AK8: variants seen among roughly 807,000 people sequenced by gnomAD.
The protein encoded by AK8 is adenylate kinase 8.
A neutral mutation model predicts 54.6 loss-of-function variants in AK8; 44 were observed. The ratio of observed to expected loss-of-function variants is 0.81; its 90% CI spans 0.63 to 1.04. The LOEUF (loss-of-function observed/expected upper bound fraction) is 1.04, where lower values mean the gene tolerates loss of function less well. Ranked by LOEUF, AK8 falls within the 50% of genes least tolerant of loss-of-function variation. The probability of loss-of-function intolerance (pLI) is 0.00; values close to 1 mark genes in which losing one functional copy is unlikely to be tolerated. For missense variants in AK8, 555 were observed against 613.6 expected, an observed-to-expected ratio of 0.90 and a Z score of 1.01; for synonymous variants, 239 against 245.6, an observed-to-expected ratio of 0.97 and a Z score of 0.25.
At chr9:132,846,697 T>C (rs866462392) in intron 5 of AK8, among the ~76,000 whole-genome samples, 3 of 150,902 alleles carry the variant, frequency 2.0e-5, no homozygotes, top group African/African-American at 4.9e-5. Flanking sequence ...CGACAGGGAG[T>C]AGATAGGCTT....
chr9:132,792,996 C>A (rs751967713), intron 10 of AK8, among the ~76,000 whole-genome samples: 5 of 152,206 alleles, frequency 3.3e-5, no homozygotes, highest in Non-Finnish European at 4.4e-5. Flanking sequence ...CTGACCTTGA[C>A]CTCGGTCTTT....
chr9:132,827,353 T>C (rs2131304351), intron 7 of AK8: 1 of 462,064 alleles, frequency 2.2e-6, no homozygotes, highest in Non-Finnish European at 3.9e-6. Context: ...CCATTTCATC[T>C]TCACAGCCAT....
intron 11 of AK8, among the ~76,000 whole-genome samples, chr9:132,736,063 A>T (rs1837090109): frequency 6.6e-6 from 1 of 152,236 alleles, no homozygotes. Flanking sequence ...CTAAACATAG[A>T]AAAGGCACAG....
At chr9:132,876,302 T>C (rs568227297) in intron 1 of AK8, among the ~76,000 whole-genome samples, 122 of 152,328 alleles carry the variant, frequency 8.0e-4, no homozygotes, top group African/African-American at 2.8e-3. Flanking sequence ...CACATAAATA[T>C]TTTACATTTC....
intron 5 of AK8, among the ~76,000 whole-genome samples, chr9:132,831,923 G>A (rs187369879): frequency 4.6e-4 from 70 of 151,698 alleles, no homozygotes; most frequent in African/African-American, 1.5e-3. Flanking sequence ...TTAGCCAGGC[G>A]CGTTGGTGCA....
intron 11 of AK8, among the ~76,000 whole-genome samples, chr9:132,739,441 CAAAAAAAAAAAAAAAAA>C (rs768297504): frequency 2.2e-3 from 69 of 31,166 alleles, no homozygotes; most frequent in Non-Finnish European, 1.5e-3. Flanking sequence ...GACTCTGTCT[CAAAAAAAAAAAAAAAAA>C]AAAAAAAAAA....
intron 12 of AK8, among the ~76,000 whole-genome samples, chr9:132,727,125 C>T (rs1465039808): frequency 6.6e-6 from 1 of 152,096 alleles, no homozygotes; most frequent in Non-Finnish European, 1.5e-5. Context: ...TGCATCGTGG[C>T]TCAAGGAAAG....
chr9:132,856,871 A>C (rs1488598135), intron 4 of AK8, among the ~76,000 whole-genome samples: 1 of 152,146 alleles, frequency 6.6e-6, no homozygotes, highest in Non-Finnish European at 1.5e-5. Flanking sequence ...GGGAAGAAAA[A>C]GGGGAGATAG....
At chr9:132,861,796 A>C (rs1428574714) in intron 4 of AK8, among the ~76,000 whole-genome samples, 3 of 152,238 alleles carry the variant, frequency 2.0e-5, no homozygotes, top group Non-Finnish European at 4.4e-5. Flanking sequence ...CACTGTCTGC[A>C]GACAAGGCCA....
At chr9:132,838,222 G>A (rs1842403900) in intron 5 of AK8, among the ~76,000 whole-genome samples, 1 of 150,734 alleles carries the variant, frequency 6.6e-6, no homozygotes, top group African/African-American at 2.4e-5. Flanking sequence ...TTATGGGCAG[G>A]GAAGCATAAA....
chr9:132,794,936 A>C (rs899105943), intron 10 of AK8, among the ~76,000 whole-genome samples: 1 of 152,200 alleles, frequency 6.6e-6, no homozygotes, highest in Admixed American at 6.5e-5. Flanking sequence ...CACCGCATTT[A>C]CGATTCTGGC....
At chr9:132,833,992 C>T (rs974777475) in intron 5 of AK8, among the ~76,000 whole-genome samples, 1 of 152,264 alleles carries the variant, frequency 6.6e-6, no homozygotes, top group African/African-American at 2.4e-5. Flanking sequence ...CCCAGTCCTG[C>T]CTCTGATCTG....
intron 8 of AK8, among the ~76,000 whole-genome samples, chr9:132,825,019 T>G (rs926999408): frequency 1.3e-5 from 2 of 152,182 alleles, no homozygotes; most frequent in Non-Finnish European, 2.9e-5. Flanking sequence ...GTACCATTCC[T>G]CCACTGAGAG....
At chr9:132,831,731 G>A (rs768024914) in intron 5 of AK8, among the ~76,000 whole-genome samples, 15 of 152,140 alleles carry the variant, frequency 9.9e-5, no homozygotes, top group African/African-American at 3.4e-4. Context: ...CAGTGTGGGC[G>A]ACTGTAAGAG....
At chr9:132,772,873 G>C (rs1839044840) in intron 11 of AK8, among the ~76,000 whole-genome samples, 1 of 152,138 alleles carries the variant, frequency 6.6e-6, no homozygotes, top group Non-Finnish European at 1.5e-5. Flanking sequence ...CACCTCCACA[G>C]CTACCACCCT....
intron 1 of AK8, among the ~76,000 whole-genome samples, chr9:132,876,211 T>C (rs1006879436): frequency 1.3e-5 from 2 of 152,244 alleles, no homozygotes; most frequent in African/African-American, 4.8e-5. Context: ...CTTCTCTGCC[T>C]GTTCAGTAGC....
At chr9:132,725,965 C>A in intron 12 of AK8, 40 bp from the exon 13 acceptor site, 1 of 1,589,076 alleles carries the variant, frequency 6.3e-7, no homozygotes, top group Admixed American at 1.7e-5. Context: ...CATGGCCTGG[C>A]CTGGAAGCAG....
rs759304341 is a variant in AK8, at chr9:132,727,520, T to C, written c.1136A>G (p.Asn379Ser). 10 of 1,613,808 alleles carry C rather than the reference T, an allele frequency of 6.2e-6. No homozygotes were observed. Among genetic ancestry groups the C allele is most frequent in the African/African-American group, 1.3e-5 (1 of 74,892 alleles). Residue 379 changes from asparagine (N) to serine (S), a missense_variant, in exon 12 of 13, where the codon AAT (asparagine) becomes AGT (serine). Asn to Ser is a conservative substitution (Grantham distance 46, BLOSUM62 1). Transcript: ENST00000298545. Reference sequence around the variant, plus strand: ...CTCCATGATGGAATCAAATGGCACATTCAGGAAAAACACCCTATAAGGAAA... The same window carrying C: ...CTCCATGATGGAATCAAATGGCACACTCAGGAAAAACACCCTATAAGGAAA... ...GYNPNRVFFL[N>S]VPFDSIMERL...
At chr9:132,840,602 T>A (rs1002437626) in intron 5 of AK8, among the ~76,000 whole-genome samples, 2 of 152,162 alleles carry the variant, frequency 1.3e-5, no homozygotes, top group Non-Finnish European at 1.5e-5. Context: ...GTTTCAAAAG[T>A]GCACCACAGG....
Sources: gnomAD v4.1 joint callset for allele counts (sites outside exome capture counted in the v4.1 genomes callset) on GRCh38, gnomAD v4.1.1 for gene constraint, MANE v1.5 for transcripts, NCBI Gene and HGNC (gene_info 2026-07-23, HGNC 2026-07-21) for gene names.